C2orf92: variants seen among roughly 807,000 people sequenced by gnomAD.
The protein encoded by C2orf92 is uncharacterized protein C2orf92.
At chr2:97,690,005 C>A (rs112892373) in intron 4 of C2orf92, among the ~76,000 whole-genome samples, 3 of 152,012 alleles carry the variant, frequency 2.0e-5, no homozygotes. Context: ...GTGGCTCATG[C>A]CTGTAGTCCC....
chr2:97,695,074 A>G (rs910801183), intron 5 of C2orf92, among the ~76,000 whole-genome samples: 1 of 152,158 alleles, frequency 6.6e-6, no homozygotes, highest in Non-Finnish European at 1.5e-5. Flanking sequence ...CAGATAAACA[A>G]TTTGCAAATG....
upstream of C2orf92, chr2:97,669,611 G>A (rs142118743): frequency 2.2e-4 from 87 of 390,370 alleles, no homozygotes; most frequent in East Asian, 2.8e-3. Flanking sequence ...CATAGCCCCC[G>A]TCACTGTCCA....
intron 5 of C2orf92, among the ~76,000 whole-genome samples, chr2:97,691,803 G>A (rs1290690681): frequency 1.3e-5 from 2 of 152,080 alleles, no homozygotes; most frequent in Non-Finnish European, 2.9e-5. Context: ...CAGGAGAATC[G>A]CTTGAACCCA....
chr2:97,702,619 G>A, intron 7 of C2orf92, 50 bp from the exon 8 acceptor site: 1 of 398,750 alleles, frequency 2.5e-6, no homozygotes. Context: ...TAGACAGCAG[G>A]ACTCCTGTGC....
At chr2:97,663,942 TG>T, upstream of C2orf92, 1 of 190,264 alleles carries the variant, frequency 5.3e-6, no homozygotes, top group Non-Finnish European at 1.1e-5. Context: ...AGGCACCGGA[TG>T]GGCGGGCGGG....
intron 1 of C2orf92, among the ~76,000 whole-genome samples, chr2:97,672,890 A>G (rs1353253216): frequency 6.6e-6 from 1 of 152,032 alleles, no homozygotes; most frequent in Non-Finnish European, 1.5e-5. Flanking sequence ...ATGCACTGAG[A>G]ATGCAGGATG....
At chr2:97,692,398 G>A (rs1000356311) in intron 5 of C2orf92, among the ~76,000 whole-genome samples, 2 of 143,588 alleles carry the variant, frequency 1.4e-5, no homozygotes, top group Admixed American at 6.9e-5. Context: ...TATAGAGATA[G>A]TTTTACTTCT....
At chr2:97,667,582 A>G (rs1352136616), upstream of C2orf92, among the ~76,000 whole-genome samples, 3 of 151,334 alleles carry the variant, frequency 2.0e-5, no homozygotes, top group Non-Finnish European at 4.4e-5. Context: ...ACAGGCGCCC[A>G]CCACCACGCC....
At chr2:97,665,552 T>C (rs1469465994), upstream of C2orf92, among the ~76,000 whole-genome samples, 1 of 151,970 alleles carries the variant, frequency 6.6e-6, no homozygotes, top group Non-Finnish European at 1.5e-5. Context: ...TATTAAACTC[T>C]TCTTATAGAG....
At chr2:97,665,082 A>G (rs1675163074), upstream of C2orf92, among the ~76,000 whole-genome samples, 3 of 152,186 alleles carry the variant, frequency 2.0e-5, no homozygotes, top group Non-Finnish European at 1.5e-5. Flanking sequence ...GGGTCTTCAC[A>G]CTTTGGTAAC....
intron 2 of C2orf92, 54 bp downstream of exon 2, chr2:97,674,611 T>TCAAA: frequency 2.5e-6 from 1 of 398,296 alleles, no homozygotes; most frequent in Non-Finnish European, 4.4e-6. Flanking sequence ...GACCTCTGTG[T>TCAAA]TATCTCAAAT....
chr2:97,701,065 A>G (rs1676479686), intron 6 of C2orf92, 89 bp from the exon 7 acceptor site: 2 of 395,296 alleles, frequency 5.1e-6, no homozygotes, highest in Non-Finnish European at 8.9e-6. Context: ...TATGAATGGA[A>G]TGAACAGGTG....
At chr2:97,700,015 C>T (rs973289780) in intron 6 of C2orf92, among the ~76,000 whole-genome samples, 1 of 152,236 alleles carries the variant, frequency 6.6e-6, no homozygotes, top group Non-Finnish European at 1.5e-5. Flanking sequence ...CAGCTCTCCA[C>T]ACGAAACCAG....
chr2:97,695,813 G>T (rs1252995752), intron 5 of C2orf92, among the ~76,000 whole-genome samples: 1 of 151,548 alleles, frequency 6.6e-6, no homozygotes, highest in Non-Finnish European at 1.5e-5. Flanking sequence ...GTGCGGTGGC[G>T]CAATCTTGGC....
At position 97,703,005 on chromosome 2, in the gene C2orf92, C is replaced by T. The variant is rs552647610; in HGVS notation, c.*204C>T. ...GCAATATGGCACCGATGGCTGGCGT[C>T]GGTGAACCCGACAGACTATGGATTT... On this transcript the variant is annotated 3_prime_UTR_variant, in exon 8 of 8. Coordinates refer to ENST00000627399, the MANE Select transcript of C2orf92 (RefSeq NM_001351368.2). 4.9e-5 allele frequency: 19 copies of T among 386,078 alleles called. No homozygotes were observed. Among genetic ancestry groups the T allele is most frequent in the African/African-American group, 2.7e-4 (13 of 48,394 alleles). The allele number at this position is 386,078 out of a possible 1,614,324, so 23.9% of individuals were successfully genotyped here. A position where few individuals can be genotyped will look rare whatever the true frequency, so the allele number is the denominator to read the frequency against.
At chr2:97,687,074 G>A (rs1675986495) in intron 3 of C2orf92, among the ~76,000 whole-genome samples, 1 of 151,720 alleles carries the variant, frequency 6.6e-6, no homozygotes, top group Non-Finnish European at 1.5e-5. Flanking sequence ...CTTAAATAGA[G>A]TAAAAATGGG....
At chr2:97,687,094 G>T (rs1278808477) in intron 3 of C2orf92, among the ~76,000 whole-genome samples, 1 of 152,170 alleles carries the variant, frequency 6.6e-6, no homozygotes, top group Non-Finnish European at 1.5e-5. Context: ...GCCAGGCATG[G>T]TGGCTCATGC....
intron 3 of C2orf92, among the ~76,000 whole-genome samples, chr2:97,685,175 C>T (rs1675913540): frequency 6.6e-6 from 1 of 151,726 alleles, no homozygotes; most frequent in Non-Finnish European, 1.5e-5. Context: ...GTGATCCATC[C>T]ACCTCGGCCT....
chr2:97,685,221 G>T (rs1028240043), intron 3 of C2orf92, among the ~76,000 whole-genome samples: 8 of 150,824 alleles, frequency 5.3e-5, no homozygotes, highest in Non-Finnish European at 1.5e-5. Flanking sequence ...GAGCCACCAC[G>T]CCCGGCCTAG....
Sources: allele counts gnomAD v4.1 joint callset (sites outside exome capture counted in the v4.1 genomes callset), GRCh38; gene constraint gnomAD v4.1.1; transcripts MANE v1.5; gene names NCBI Gene and HGNC (gene_info 2026-07-23, HGNC 2026-07-21).